OR2T12: variants seen among roughly 807,000 people sequenced by gnomAD.
OR2T12 encodes olfactory receptor 2T12.
For synonymous variants in OR2T12, 127 were observed against 160.5 expected (o/e 0.79, Z 1.58); for missense variants, 335 against 404.3 (o/e 0.83, Z 1.47).
chr1:248,296,013 C>A lies in OR2T12; in HGVS notation c.-8-427G>T, dbSNP rs545670423. Among the ~76,000 whole-genome samples the A allele has an allele frequency of 5.0e-5, 7 of 140,722 alleles. No individual in the cohort carries two copies. In the East Asian group the frequency reaches 1.6e-3, roughly 33 times the overall value. The allele number at this position is 140,722 out of a possible 152,430, so 92.3% of individuals were successfully genotyped here. The stretch of plus-strand genomic sequence containing the variant: ...GTGCTATCCCTCCCCCCTCCCCCAA[C>A]CCCACAACAGTCCCGAGAGTGTGAT... On this transcript the variant is annotated intron_variant, in intron 2 of 2. Transcript: ENST00000641276.
intron 1 of OR2T12, 47 bp from the exon 2 acceptor site, chr1:248,301,600 G>T (rs1413522263): frequency 6.6e-6 from 1 of 152,030 alleles, no homozygotes; most frequent in Non-Finnish European, 1.5e-5. Flanking sequence ...TGTACTAAAG[G>T]TATTCATGTA....
At chr1:248,298,872 G>C (rs1659773626) in intron 2 of OR2T12, among the ~76,000 whole-genome samples, 1 of 151,844 alleles carries the variant, frequency 6.6e-6, no homozygotes, top group Admixed American at 6.6e-5. Context: ...TCTGATTTTA[G>C]TTATTTCTTG....
chr1:248,295,620 A>G lies in OR2T12; in HGVS notation c.-8-34T>C, dbSNP rs376253948. The G allele has an allele frequency of 2.0e-3, 3,128 of 1,537,404 alleles. 6 individuals carry two copies. The highest frequency in any genetic ancestry group is 4.6e-3 in the South Asian group (354 of 77,308). On this transcript the variant is annotated intron_variant, in intron 2 of 2. Coordinates refer to ENST00000641276, the MANE Select transcript of OR2T12 (RefSeq NM_001004692.2). ...ATGGTGCAAATGGAAAAATAGAGAAAGAAGAGGCTTTTATGGTCTGAATAA... is the reference window on the plus strand; with the variant it reads ...ATGGTGCAAATGGAAAAATAGAGAAGGAAGAGGCTTTTATGGTCTGAATAA...
chr1:248,293,093 C>CTG lies in OR2T12; in HGVS notation c.*1521_*1522dup, dbSNP rs762789718. On this transcript the variant is annotated 3_prime_UTR_variant, in exon 3 of 3. Coordinates refer to ENST00000641276, the MANE Select transcript of OR2T12 (RefSeq NM_001004692.2). ...AGTCTTAAACAGATGACACTCTCTC[C>CTG]TGTCATCCTCAAGTCTTCCAAGGAG... 6.6e-6 allele frequency: 1 copy of CTG among 152,100 alleles called. No individual in the cohort carries two copies. Among genetic ancestry groups the CTG allele is most frequent in the Non-Finnish European group, 1.5e-5 (1 of 67,988 alleles). The allele number at this position is 152,100 out of a possible 1,614,324, so 9.4% of individuals were successfully genotyped here. A position where few individuals can be genotyped will look rare whatever the true frequency, so the allele number is the denominator to read the frequency against.
chr1:248,298,371 G>A (rs2103039092), intron 2 of OR2T12, among the ~76,000 whole-genome samples: 1 of 152,288 alleles, frequency 6.6e-6, no homozygotes, highest in East Asian at 1.9e-4. Flanking sequence ...CTCATAAAAT[G>A]AGTTAGGGAG....
rs575907127 is a variant in OR2T12 at position 248,295,342 on chromosome 1, C to T, written c.237G>A (p.Met79Ile). 118 of 1,608,144 alleles carry T rather than the reference C, an allele frequency of 7.3e-5. No individual in the cohort carries two copies. The South Asian group carries it at 8.9e-4, about 12-fold the overall frequency. ...MMLVSTTVPKMAADYLTGNKA... is the reference protein window; with the variant it reads ...MMLVSTTVPKIAADYLTGNKA... ...TATTTCCGGTCAAGTAGTCAGCCGCCATTTTGGGCACAGTGGTGGAAACCA... is the reference window on the plus strand; with the variant it reads ...TATTTCCGGTCAAGTAGTCAGCCGCTATTTTGGGCACAGTGGTGGAAACCA... The change falls in exon 3 of 3, where the codon ATG (methionine) becomes ATA (isoleucine). Residue 79 changes from methionine to isoleucine, a missense_variant. By Grantham distance (10) the Met-to-Ile change is conservative (BLOSUM62 1). Coordinates refer to ENST00000641276, the MANE Select transcript of OR2T12 (RefSeq NM_001004692.2).
intron 2 of OR2T12, among the ~76,000 whole-genome samples, chr1:248,299,298 G>A (rs1357746648): frequency 3.9e-5 from 6 of 152,208 alleles, no homozygotes; most frequent in African/African-American, 4.8e-5. Flanking sequence ...CCCGTCTCAC[G>A]TGCAGAGACA....
At position 248,292,684 on chromosome 1, in the gene OR2T12, T is replaced by C. The variant is rs1237945795; in HGVS notation, c.*1932A>G. The C allele has an allele frequency of 6.6e-6, 1 of 152,120 alleles. No homozygotes were observed. Among genetic ancestry groups the C allele is most frequent in the Non-Finnish European group, 1.5e-5 (1 of 67,962 alleles). The allele number at this position is 152,120 out of a possible 1,614,324, so 9.4% of individuals were successfully genotyped here. On this transcript the variant is annotated 3_prime_UTR_variant, in exon 3 of 3. Transcript: ENST00000641276. ...TGAAATACCACTTCTTTGAAACATG[T>C]CTATTTTTATACATATTTTGTGTTT...
In OR2T12 at chr1:248,292,569, A is replaced by T. The variant is rs544499165; in HGVS notation, c.*2047T>A. ...ATAAGAGTAGAAACATCTGCAAGTT[A>T]CAAAAGCAATAAGAAATGAACATAT... On this transcript the variant is annotated 3_prime_UTR_variant, in exon 3 of 3. Coordinates refer to ENST00000641276, the MANE Select transcript of OR2T12 (RefSeq NM_001004692.2). 22 of 152,268 alleles carry T rather than the reference A, an allele frequency of 1.4e-4. No homozygotes were observed. In the South Asian group the frequency reaches 4.3e-3, roughly 30 times the overall value. 9.4% of individuals were successfully genotyped at this position (152,268 alleles called of 1,614,324 possible).
rs1659655553 is a variant in OR2T12, at chr1:248,293,082, G to A, written c.*1534C>T. 1 of 152,080 alleles carries A rather than the reference G, an allele frequency of 6.6e-6. No individual in the cohort carries two copies. Among genetic ancestry groups the A allele is most frequent in the Non-Finnish European group, 1.5e-5 (1 of 67,978 alleles). The allele number at this position is 152,080 out of a possible 1,614,324, so 9.4% of individuals were successfully genotyped here. ...AGGAAACTCTTAGTCTTAAACAGATGACACTCTCTCCTGTCATCCTCAAGT... is the reference window on the plus strand; with the variant it reads ...AGGAAACTCTTAGTCTTAAACAGATAACACTCTCTCCTGTCATCCTCAAGT... On this transcript the variant is annotated 3_prime_UTR_variant, in exon 3 of 3. Transcript: ENST00000641276.
At chr1:248,299,165 G>A (rs933198371) in intron 2 of OR2T12, among the ~76,000 whole-genome samples, 1 of 152,076 alleles carries the variant, frequency 6.6e-6, no homozygotes, top group Non-Finnish European at 1.5e-5. Context: ...ATAATGACAG[G>A]ATCAAATTCA....
At chr1:248,302,114 C>T (rs1459313769) in intron 1 of OR2T12, among the ~76,000 whole-genome samples, 2 of 151,450 alleles carry the variant, frequency 1.3e-5, no homozygotes, top group Admixed American at 6.6e-5. Flanking sequence ...TGTAGTCCAC[C>T]GAGGTTGCTA....
chr1:248,298,154 T>G (rs1003484739), intron 2 of OR2T12, among the ~76,000 whole-genome samples: 8 of 152,198 alleles, frequency 5.3e-5, no homozygotes, highest in Non-Finnish European at 1.0e-4. Context: ...GGATTACATT[T>G]ATTGATTTGC....
rs1659667210 is a variant in OR2T12, at chr1:248,293,641, ATAAT to A, written c.*971_*974del. 1 of 152,168 alleles carries A rather than the reference ATAAT, an allele frequency of 6.6e-6. No homozygotes were observed. Among genetic ancestry groups the A allele is most frequent in the Non-Finnish European group, 1.5e-5 (1 of 68,018 alleles). The allele number at this position is 152,168 out of a possible 1,614,324, so 9.4% of individuals were successfully genotyped here. A position where few individuals can be genotyped will look rare whatever the true frequency, so the allele number is the denominator to read the frequency against. On this transcript the variant is annotated 3_prime_UTR_variant, in exon 3 of 3. Coordinates refer to ENST00000641276, the MANE Select transcript of OR2T12 (RefSeq NM_001004692.2). ...GCCTTGGGAGAAGTAAGGTAACCCAATAATGTATAAGGTTGTTGAGTCTTACTCA... is the reference window on the plus strand; with the variant it reads ...GCCTTGGGAGAAGTAAGGTAACCCAAGTATAAGGTTGTTGAGTCTTACTCA...
Position 248,294,384 on chromosome 1 carries a change from T to C in OR2T12, c.*232A>G. The C allele has an allele frequency of 2.2e-6, 1 of 449,328 alleles. No homozygotes were observed. 27.8% of individuals were successfully genotyped at this position (449,328 alleles called of 1,614,324 possible). ...AAAGAAAAAAAGAAAACTTATATCATGGGGTTGTTGTAGGATACAAAGTAA... is the reference window on the plus strand; with the variant it reads ...AAAGAAAAAAAGAAAACTTATATCACGGGGTTGTTGTAGGATACAAAGTAA... On this transcript the variant is annotated 3_prime_UTR_variant, in exon 3 of 3. Transcript: ENST00000641276.
intron 1 of OR2T12, among the ~76,000 whole-genome samples, 172 bp downstream of exon 1, chr1:248,303,174 T>G (rs1054852275): frequency 1.3e-5 from 2 of 152,170 alleles, no homozygotes; most frequent in Non-Finnish European, 2.9e-5. Context: ...CCACTCCTTC[T>G]GCTTCAGGTT....
intron 2 of OR2T12, among the ~76,000 whole-genome samples, chr1:248,300,128 A>T (rs1048385075): frequency 2.0e-5 from 3 of 152,104 alleles, no homozygotes; most frequent in Non-Finnish European, 4.4e-5. Flanking sequence ...AAATAGAAAA[A>T]CGATGTCTAA....
intron 2 of OR2T12, among the ~76,000 whole-genome samples, chr1:248,297,030 A>G (rs1205969406): frequency 1.3e-5 from 2 of 152,076 alleles, no homozygotes; most frequent in African/African-American, 4.8e-5. Context: ...TGATTTTTGT[A>G]TAAGGTGTAA....
At chr1:248,299,113 G>A (rs1304211153) in intron 2 of OR2T12, among the ~76,000 whole-genome samples, 2 of 152,046 alleles carry the variant, frequency 1.3e-5, no homozygotes, top group African/African-American at 2.4e-5. Context: ...AAGGCTAGGA[G>A]GAAACTGCAT....
Sources: gnomAD v4.1 joint callset for allele counts (sites outside exome capture counted in the v4.1 genomes callset) on GRCh38, gnomAD v4.1.1 for gene constraint, MANE v1.5 for transcripts, NCBI Gene and HGNC (gene_info 2026-07-23, HGNC 2026-07-21) for gene names.